Variants in C10orf120 observed in about 807,000 individuals in gnomAD.
C10orf120 encodes the protein chromosome 10 open reading frame 120.
Under a neutral mutation model 10.8 loss-of-function variants are expected in C10orf120, and 15 were observed. The observed-to-expected ratio is 1.39, with a 90% CI of 0.93 to 2.14. C10orf120 has a LOEUF of 2.14. C10orf120 is among the 30% of genes most tolerant of loss of function. The pLI is 0.00. For missense variants in C10orf120, 447 were observed against 411.3 expected (o/e 1.09, Z -0.75); for synonymous variants, 141 against 138.9 (o/e 1.02, Z -0.11).
In C10orf120 at chr10:122,698,481, C is replaced by T; in HGVS notation, c.260G>A (p.Gly87Asp). 3 of 1,614,090 alleles carry T rather than the reference C, an allele frequency of 1.9e-6. No individual in the cohort carries two copies. Among genetic ancestry groups the T allele is most frequent in the Non-Finnish European group, 2.5e-6 (3 of 1,180,028 alleles). ...TCTTGCTGCTATGGTGTGAATGCCA[C>T]CTAGACGCTGACAATGGAGAAAGGA... ...SPLEKEILRL[G>D]GIHTIAARRL... Residue 87 changes from glycine to aspartate, a missense_variant, in exon 3 of 3, where the codon GGT becomes GAT. Physicochemically the swap from Gly to Asp is moderately conservative, Grantham distance 94. Transcript: ENST00000329446.
In C10orf120 at chr10:122,699,415, G is replaced by T. The variant is rs1470944531; in HGVS notation, c.177-3C>A. The T allele has an allele frequency of 6.2e-7, 1 of 1,608,092 alleles. No homozygotes were observed. Among genetic ancestry groups the T allele is most frequent in the South Asian group, 1.1e-5 (1 of 90,786 alleles). On this transcript the variant is annotated splice_region_variant and splice_polypyrimidine_tract_variant and intron_variant, in intron 1 of 2. Coordinates refer to ENST00000329446, the MANE Select transcript of C10orf120 (RefSeq NM_001010912.4). Reference sequence around the variant, plus strand: ...ATCTGTAGAATTTGCTCCATATCCTGCAAGAAGAGAAGCAGGAATATCAGA... The same window carrying T: ...ATCTGTAGAATTTGCTCCATATCCTTCAAGAAGAGAAGCAGGAATATCAGA...
rs896414118 is a variant in C10orf120 at position 122,697,714 on chromosome 10, C to G, written c.*19G>C. 1.9e-6 allele frequency: 3 copies of G among 1,610,606 alleles called. No individual in the cohort carries two copies. The African/African-American group carries it at 4.0e-5, about 22-fold the overall frequency. ...ATAAGGACTAGTACACCTGGTTACC[C>G]TGGGCAACAAATAAAACTTTAATAA... On this transcript the variant is annotated 3_prime_UTR_variant, in exon 3 of 3. Coordinates refer to ENST00000329446, the MANE Select transcript of C10orf120 (RefSeq NM_001010912.4).
intron 1 of C10orf120, 33 bp from the exon 2 acceptor site, chr10:122,699,445 T>C (rs746928853): frequency 1.9e-6 from 3 of 1,572,116 alleles, no homozygotes; most frequent in South Asian, 1.1e-5. Flanking sequence ...ATCAGAATTC[T>C]GGAAAGGCTC....
chr10:122,698,326 G>A lies in C10orf120; in HGVS notation c.415C>T (p.Leu139=), dbSNP rs1417460576. ...ACCTTTGCTGTCCATATTTTTTCTA[G>A]GGGTACACAAATAGCACAAGGAGAG... ...HSSPCAICVP[L]EKIWTAKVIA... is the part of the protein sequence containing the mutation. The change falls in exon 3 of 3, where the codon CTA becomes TTA. Residue 139 remains leucine, a synonymous_variant. Coordinates refer to ENST00000329446, the MANE Select transcript of C10orf120 (RefSeq NM_001010912.4). The A allele has an allele frequency of 6.2e-7, 1 of 1,614,044 alleles. No homozygotes were observed. Among genetic ancestry groups the A allele is most frequent in the African/African-American group, 1.3e-5 (1 of 74,914 alleles).
rs758266643 is a variant in C10orf120 at position 122,698,314 on chromosome 10, A to G, written c.427T>C (p.Trp143Arg). Reference sequence around the variant, plus strand: ...AGGGGCGCAATCACCTTTGCTGTCCATATTTTTTCTAGGGGTACACAAATA... The same window carrying G: ...AGGGGCGCAATCACCTTTGCTGTCCGTATTTTTTCTAGGGGTACACAAATA... Reference protein sequence around the residue: ...CAICVPLEKIWTAKVIAPLEA... With the variant: ...CAICVPLEKIRTAKVIAPLEA... Residue 143 changes from tryptophan (W) to arginine (R), a missense_variant, in exon 3 of 3, where the codon TGG becomes CGG. Trp to Arg is a moderately radical substitution (Grantham distance 101). Transcript: ENST00000329446. 2 of 1,614,168 alleles carry G rather than the reference A, an allele frequency of 1.2e-6. No homozygotes were observed. Among genetic ancestry groups the G allele is most frequent in the East Asian group, 2.2e-5 (1 of 44,882 alleles).
In C10orf120 at chr10:122,698,478, C is replaced by G. The variant is rs779601772; in HGVS notation, c.263G>C (p.Gly88Ala). ...PLEKEILRLG[G>A]IHTIAARRLL... Reference sequence around the variant, plus strand: ...CCTTCTTGCTGCTATGGTGTGAATGCCACCTAGACGCTGACAATGGAGAAA... The same window carrying G: ...CCTTCTTGCTGCTATGGTGTGAATGGCACCTAGACGCTGACAATGGAGAAA... The change falls in exon 3 of 3, where the codon GGC becomes GCC. Residue 88 changes from glycine (G) to alanine (A), a missense_variant. Transcript: ENST00000329446. The G allele has an allele frequency of 6.2e-7, 1 of 1,614,026 alleles. No individual in the cohort carries two copies. Among genetic ancestry groups the G allele is most frequent in the Admixed American group, 1.7e-5 (1 of 60,022 alleles).
intron 1 of C10orf120, 40 bp downstream of exon 1, chr10:122,699,575 C>G: frequency 6.4e-7 from 1 of 1,564,920 alleles, no homozygotes; most frequent in Non-Finnish European, 8.7e-7. Flanking sequence ...CACTTGGCCT[C>G]TTTCTGACAT....
chr10:122,699,357 G>C lies in C10orf120; in HGVS notation c.232C>G (p.Pro78Ala), dbSNP rs371859851. ...DPRIALGKYSPLEKEILRLGG... is the reference protein window; with the variant it reads ...DPRIALGKYSALEKEILRLGG... ...CTTACTAGGATCTCTTTTTCCAAGG[G>C]GGAGTATTTCCCAAGGGCAATCCGT... Residue 78 changes from proline to alanine, a missense_variant, in exon 2 of 3, where the codon CCC becomes GCC. Physicochemically the swap from Pro to Ala is conservative, Grantham distance 27. Coordinates refer to ENST00000329446, the MANE Select transcript of C10orf120 (RefSeq NM_001010912.4). 1 of 1,612,560 alleles carries C rather than the reference G, an allele frequency of 6.2e-7. No individual in the cohort carries two copies. Among genetic ancestry groups the C allele is most frequent in the Non-Finnish European group, 8.5e-7 (1 of 1,178,950 alleles).
At position 122,697,786 on chromosome 10, in the gene C10orf120, C is replaced by A. The variant is rs1177923301; in HGVS notation, c.955G>T (p.Glu319Ter). The A allele has an allele frequency of 6.8e-6, 11 of 1,614,182 alleles. No homozygotes were observed. The highest frequency in any genetic ancestry group is 9.3e-6 in the Non-Finnish European group (11 of 1,180,010). The change falls in exon 3 of 3, where the codon GAA (glutamate) becomes TAA (stop). Residue 319 changes from glutamate (E) to a stop codon, truncating the protein, a stop_gained. Transcript: ENST00000329446. LOFTEE classifies it low-confidence loss of function (END_TRUNC). ...ATGCGCTCTTTCCAGATACTCTCTT[C>A]TTCCAGGCTGTAGGTCTTGACCAGA... ...SDLVKTYSLE[E>*]ESIWKERMRK... is the part of the protein sequence containing the mutation.
At position 122,699,603 on chromosome 10, in the gene C10orf120, A is replaced by G. The variant is rs376903787; in HGVS notation, c.176+12T>C. On this transcript the variant is annotated intron_variant, in intron 1 of 2. Transcript: ENST00000329446. ...TCTGACATGGACAGACTAAAGTGCA[A>G]GTCAGACTCACCGCAACGGTGAAGC... 80 of 1,596,404 alleles carry G rather than the reference A, an allele frequency of 5.0e-5. No individual in the cohort carries two copies. The highest frequency in any genetic ancestry group is 6.8e-5 in the Non-Finnish European group (80 of 1,170,552).
Position 122,697,891 on chromosome 10 carries a change from G to C in C10orf120, c.850C>G (p.Leu284Val), listed in dbSNP as rs1290464891. 24 of 1,614,110 alleles carry C rather than the reference G, an allele frequency of 1.5e-5. No homozygotes were observed. The Middle Eastern group carries it at 1.6e-3, about 111-fold the overall frequency. The change falls in exon 3 of 3, where the codon CTT becomes GTT. Residue 284 changes from leucine to valine, a missense_variant. Transcript: ENST00000329446. Reference sequence around the variant, plus strand: ...CCAGGGAATTCTGATATGCAGAAAAGATTTCGGTTTGTTAGGCCTGCGATG... The same window carrying C: ...CCAGGGAATTCTGATATGCAGAAAACATTTCGGTTTGTTAGGCCTGCGATG... Reference protein sequence around the residue: ...RSIAGLTNRNLFCISEFPGDL... With the variant: ...RSIAGLTNRNVFCISEFPGDL...
rs761737584 is a variant in C10orf120 at position 122,698,448 on chromosome 10, A to G, written c.293T>C (p.Leu98Ser). ...GCATTCTTCCTCTTGCTTGTAAGCCAAAAGCCTTCTTGCTGCTATGGTGTG... is the reference window on the plus strand; with the variant it reads ...GCATTCTTCCTCTTGCTTGTAAGCCGAAAGCCTTCTTGCTGCTATGGTGTG... ...GIHTIAARRL[L>S]AYKQEEECRM... Residue 98 changes from leucine (L) to serine (S), a missense_variant, in exon 3 of 3, where the codon TTG (leucine) becomes TCG (serine). Transcript: ENST00000329446. The G allele has an allele frequency of 1.2e-6, 2 of 1,614,058 alleles. No homozygotes were observed. Among genetic ancestry groups the G allele is most frequent in the East Asian group, 4.5e-5 (2 of 44,902 alleles).
chr10:122,697,719 C>A lies in C10orf120; in HGVS notation c.*14G>T, dbSNP rs1317868744. On this transcript the variant is annotated 3_prime_UTR_variant, in exon 3 of 3. Coordinates refer to ENST00000329446, the MANE Select transcript of C10orf120 (RefSeq NM_001010912.4). ...GACTAGTACACCTGGTTACCCTGGG[C>A]AACAAATAAAACTTTAATAATGATA... 11 of 1,611,578 alleles carry A rather than the reference C, an allele frequency of 6.8e-6. No individual in the cohort carries two copies. Among genetic ancestry groups the A allele is most frequent in the African/African-American group, 1.3e-5 (1 of 74,874 alleles).
Position 122,697,921 on chromosome 10 carries a change from G to C in C10orf120, c.820C>G (p.Arg274Gly). ...KSFLPAKKPE[R>G]SIAGLTNRNL... ...CGGTTTGTTAGGCCTGCGATGGACC[G>C]TTCCGGTTTCTTTGCGGGGAGGAAT... is the stretch of plus-strand genomic sequence containing the variant. Residue 274 changes from arginine to glycine, a missense_variant, in exon 3 of 3, where the codon CGG becomes GGG. Physicochemically the swap from Arg to Gly is moderately radical, Grantham distance 125 (BLOSUM62 -2). Transcript: ENST00000329446. 1.9e-6 allele frequency: 3 copies of C among 1,614,142 alleles called. No individual in the cohort carries two copies. The highest frequency in any genetic ancestry group is 2.5e-6 in the Non-Finnish European group (3 of 1,180,028).
At chr10:122,698,513 A>T (rs1024811915) in intron 2 of C10orf120, 25 bp from the exon 3 acceptor site, 1 of 1,611,878 alleles carries the variant, frequency 6.2e-7, no homozygotes, top group East Asian at 2.2e-5. Context: ...AGGACTATTA[A>T]AATCTCAAGA....
rs757525455 is a variant in C10orf120 at position 122,699,449 on chromosome 10, AAG to A, written c.177-39_177-38del. The A allele has an allele frequency of 5.1e-6, 8 of 1,566,978 alleles. No individual in the cohort carries two copies. In the South Asian group the frequency reaches 6.7e-5, roughly 13 times the overall value. ...GAAGCAGGAATATCAGAATTCTGGA[AAG>A]GCTCTTCCTACTTTTCCCTCCTGGA... On this transcript the variant is annotated intron_variant, in intron 1 of 2. Transcript: ENST00000329446.
rs67633673 is a variant in C10orf120 at position 122,699,140 on chromosome 10, CAAAAAAAAA to C, written c.252+188_252+196del. On this transcript the variant is annotated intron_variant, in intron 2 of 2. Coordinates refer to ENST00000329446, the MANE Select transcript of C10orf120 (RefSeq NM_001010912.4). ...TGGGCGACAGAGCGAGACTCCGTCT[CAAAAAAAAA>C]AAAAAAAAAAAAAAAAAAAAGAGTA... 6.9e-3 allele frequency among the ~76,000 whole-genome samples: 151 copies of C among 21,826 alleles called. 2 individuals carry two copies. Among genetic ancestry groups the C allele is most frequent in the Middle Eastern group, 0.042 (1 of 24 alleles). The allele number at this position is 21,826 out of a possible 152,430, so 14.3% of individuals were successfully genotyped here.
rs373765195 is a variant in C10orf120 at position 122,697,721 on chromosome 10, A to G, written c.*12T>C. On this transcript the variant is annotated 3_prime_UTR_variant, in exon 3 of 3. Coordinates refer to ENST00000329446, the MANE Select transcript of C10orf120 (RefSeq NM_001010912.4). ...CTAGTACACCTGGTTACCCTGGGCA[A>G]CAAATAAAACTTTAATAATGATAAG... 9.9e-6 allele frequency: 16 copies of G among 1,612,416 alleles called. No individual in the cohort carries two copies. Among genetic ancestry groups the G allele is most frequent in the African/African-American group, 2.7e-5 (2 of 74,900 alleles).
At position 122,699,691 on chromosome 10, in the gene C10orf120, A is replaced by G. The variant is rs1049746248; in HGVS notation, c.100T>C (p.Phe34Leu). The stretch of plus-strand genomic sequence containing the variant: ...TCCTGAAAGGAAGAGTTGGTATTAA[A>G]TATTCTAACTGGCTTTTCATTCTTC... Reference protein sequence around the residue: ...ERKNEKPVRIFNTNSSFQDQA... With the variant: ...ERKNEKPVRILNTNSSFQDQA... Residue 34 changes from phenylalanine to leucine, a missense_variant, in exon 1 of 3, where the codon TTT becomes CTT. Transcript: ENST00000329446. 3 of 1,613,810 alleles carry G rather than the reference A, an allele frequency of 1.9e-6. No homozygotes were observed. Among genetic ancestry groups the G allele is most frequent in the Non-Finnish European group, 2.5e-6 (3 of 1,179,808 alleles).
Sources: allele counts gnomAD v4.1 joint callset (sites outside exome capture counted in the v4.1 genomes callset), GRCh38; gene constraint gnomAD v4.1.1; transcripts MANE v1.5; gene names NCBI Gene and HGNC (gene_info 2026-07-23, HGNC 2026-07-21).